CACNA1E: variants seen among roughly 807,000 people sequenced by gnomAD.
CACNA1E encodes the protein voltage-dependent R-type calcium channel subunit alpha-1E.
CACNA1E carries 40 observed loss-of-function variants against 259.2 expected under a neutral mutation model. The ratio of observed to expected loss-of-function variants is 0.15; its 90% CI spans 0.12 to 0.20. The LOEUF is 0.20. Among genes scored for constraint, CACNA1E ranks in the 10% least tolerant of loss-of-function variants. CACNA1E has a pLI of 1.00. For missense variants in CACNA1E, 1,874 were observed against 3,040.1 expected (o/e 0.62, Z 9.02); for synonymous variants, 1,104 against 1,138.5 (o/e 0.97, Z 0.61).
At chr1:181,794,779 G>A (rs576621777) in intron 45 of CACNA1E, 85 bp from the exon 46 acceptor site, 136 of 1,279,958 alleles carry the variant, frequency 1.1e-4, no homozygotes, top group Middle Eastern at 5.3e-4. Context: ...CTTCCTTAAC[G>A]TCTCAGTCTT....
At chr1:181,707,110 G>A (rs1032743311) in intron 7 of CACNA1E, among the ~76,000 whole-genome samples, 1 of 152,132 alleles carries the variant, frequency 6.6e-6, no homozygotes, top group Non-Finnish European at 1.5e-5. Context: ...CAGCAGCGAG[G>A]GCAGAGGGGC....
At chr1:181,570,697 G>T (rs1466240046) in intron 3 of CACNA1E, among the ~76,000 whole-genome samples, 1 of 152,180 alleles carries the variant, frequency 6.6e-6, no homozygotes, top group Admixed American at 6.5e-5. Context: ...GTCAGATGCA[G>T]AATAACTTGC....
intron 3 of CACNA1E, among the ~76,000 whole-genome samples, chr1:181,547,048 C>T (rs974507623): frequency 1.3e-5 from 2 of 152,192 alleles, no homozygotes; most frequent in Non-Finnish European, 2.9e-5. Context: ...CATTTTCTCC[C>T]CAGCTTCAGT....
At chr1:181,417,741 C>G (rs185615909) in intron 2 of CACNA1E, among the ~76,000 whole-genome samples, 6 of 152,282 alleles carry the variant, frequency 3.9e-5, no homozygotes, top group Admixed American at 2.6e-4. Flanking sequence ...CCTGCCAGCT[C>G]GCTCCTAGCT....
chr1:181,354,690 T>C (rs1393233388), intron 1 of CACNA1E, among the ~76,000 whole-genome samples: 5 of 151,958 alleles, frequency 3.3e-5, no homozygotes, highest in Non-Finnish European at 1.5e-5. Context: ...GTAGTTTTCA[T>C]GGAGGGAGAC....
At chr1:181,588,860 G>A (rs753423532) in intron 6 of CACNA1E, among the ~76,000 whole-genome samples, 2 of 152,308 alleles carry the variant, frequency 1.3e-5, no homozygotes, top group East Asian at 3.9e-4. Context: ...GAGGTGGTGC[G>A]TTGGTGACTC....
At chr1:181,440,684 T>C (rs1660402134) in intron 2 of CACNA1E, among the ~76,000 whole-genome samples, 1 of 152,118 alleles carries the variant, frequency 6.6e-6, no homozygotes, top group Non-Finnish European at 1.5e-5. Context: ...CCAGCTTGGC[T>C]GGACACCATG....
intron 6 of CACNA1E, among the ~76,000 whole-genome samples, chr1:181,597,945 A>G (rs2103051080): frequency 1.3e-5 from 2 of 152,340 alleles, no homozygotes; most frequent in African/African-American, 4.8e-5. Context: ...ACACGTGGGA[A>G]CTGTGGGAGT....
At chr1:181,441,278 A>G (rs1481185943) in intron 2 of CACNA1E, among the ~76,000 whole-genome samples, 1 of 152,156 alleles carries the variant, frequency 6.6e-6, no homozygotes, top group East Asian at 1.9e-4. Context: ...AGAAGTCCAG[A>G]GTACCTGGGA....
chr1:181,576,638 C>A (rs181860094), intron 3 of CACNA1E, among the ~76,000 whole-genome samples: 2 of 152,236 alleles, frequency 1.3e-5, no homozygotes, highest in Admixed American at 6.5e-5. Flanking sequence ...ATAGAGGAAC[C>A]CAGTTTTCTG....
chr1:181,507,008 C>T (rs573581181), intron 1 of CACNA1E, among the ~76,000 whole-genome samples: 4 of 151,884 alleles, frequency 2.6e-5, no homozygotes, highest in African/African-American at 7.3e-5. Context: ...AGGGACATCC[C>T]TCTCAAGGGC....
intron 35 of CACNA1E, among the ~76,000 whole-genome samples, chr1:181,769,531 C>T (rs1481196927): frequency 6.6e-6 from 1 of 151,468 alleles, no homozygotes; most frequent in Non-Finnish European, 1.5e-5. Context: ...TCACCTCAGC[C>T]CCACAAAGTG....
rs1658550399 is a variant in CACNA1E at position 181,649,336 on chromosome 1, T to A, written c.952-2002T>A. Among the ~76,000 whole-genome samples the A allele has an allele frequency of 2.6e-5, 4 of 152,304 alleles. No individual in the cohort carries two copies. In the South Asian group the frequency reaches 8.3e-4, roughly 32 times the overall value. On this transcript the variant is annotated intron_variant, in intron 6 of 47. Coordinates refer to ENST00000367573, the MANE Select transcript of CACNA1E (RefSeq NM_001205293.3). Reference sequence around the variant, plus strand: ...TTTTCTTGTTTACTTTTAACTTTTATTCTGCTTCAATTGCAATTATCTCTC... The same window carrying A: ...TTTTCTTGTTTACTTTTAACTTTTAATCTGCTTCAATTGCAATTATCTCTC...
intron 23 of CACNA1E, 29 bp from the exon 24 acceptor site, chr1:181,738,338 C>T (rs761560212): frequency 1.1e-5 from 17 of 1,596,958 alleles, no homozygotes; most frequent in Non-Finnish European, 1.5e-5. Flanking sequence ...CACACATGGT[C>T]ATTTCCTTCC....
chr1:181,734,415 C>T (rs529038120), intron 21 of CACNA1E, among the ~76,000 whole-genome samples: 9 of 151,768 alleles, frequency 5.9e-5, no homozygotes, highest in Non-Finnish European at 1.0e-4. Context: ...CCTGACCCTA[C>T]ATCCCATCCC....
At chr1:181,443,509 A>G (rs968570735) in intron 2 of CACNA1E, among the ~76,000 whole-genome samples, 2 of 152,216 alleles carry the variant, frequency 1.3e-5, no homozygotes, top group Non-Finnish European at 2.9e-5. Context: ...GGTATTCTAA[A>G]ACAAAGCCTG....
intron 2 of CACNA1E, among the ~76,000 whole-genome samples, chr1:181,477,084 T>TAG (rs1662904921): frequency 6.6e-6 from 1 of 152,188 alleles, no homozygotes; most frequent in African/African-American, 2.4e-5. Flanking sequence ...TTCGTGATCC[T>TAG]AGATACATTG....
intron 2 of CACNA1E, among the ~76,000 whole-genome samples, chr1:181,423,591 A>C (rs947432145): frequency 6.6e-6 from 1 of 152,174 alleles, no homozygotes; most frequent in Non-Finnish European, 1.5e-5. Context: ...CAGCATCAGC[A>C]ACATATTCTG....
At chr1:181,372,570 C>T (rs542578260) in intron 1 of CACNA1E, among the ~76,000 whole-genome samples, 1 of 152,056 alleles carries the variant, frequency 6.6e-6, no homozygotes, top group Non-Finnish European at 1.5e-5. Flanking sequence ...TCCTCTCTTC[C>T]TATTTGGATG....
Sources: allele counts gnomAD v4.1 joint callset (sites outside exome capture counted in the v4.1 genomes callset), GRCh38; gene constraint gnomAD v4.1.1; transcripts MANE v1.5; gene names NCBI Gene and HGNC (gene_info 2026-07-23, HGNC 2026-07-21).